BCR: variants seen among roughly 807,000 people sequenced by gnomAD.
BCR encodes breakpoint cluster region protein.
BCR carries 58 observed loss-of-function variants against 138.6 expected under a neutral mutation model. That is an observed-to-expected ratio of 0.42 (90% CI 0.34 to 0.52). The LOEUF (loss-of-function observed/expected upper bound fraction) is 0.52, where lower values mean the gene tolerates loss of function less well. Among genes scored for constraint, BCR ranks in the 20% least tolerant of loss-of-function variants. BCR has a pLI of 0.06. For missense variants in BCR, 1,599 were observed against 1,727.2 expected (o/e 0.93, Z 1.32); for synonymous variants, 786 against 730.1 (o/e 1.08, Z -1.23).
At chr22:23,195,653 G>A (rs1221134291) in intron 1 of BCR, among the ~76,000 whole-genome samples, 4 of 152,148 alleles carry the variant, frequency 2.6e-5, no homozygotes, top group East Asian at 3.9e-4. Context: ...TTGGGAGGCC[G>A]AGGTGGGTGG....
chr22:23,287,208 C>G lies in BCR; in HGVS notation c.2456C>G (p.Ser819Trp), dbSNP rs777604460. The G allele has an allele frequency of 1.3e-6, 2 of 1,568,002 alleles. No homozygotes were observed. The highest frequency in any genetic ancestry group is 1.4e-5 in the African/African-American group (1 of 73,908). ...KATERLKKKL[S>W]EQESLLLLMS... is the part of the protein sequence containing the mutation. ...ACGGAGAGGCTGAAGAAGAAGCTGT[C>G]GGAGCAGGAGTCACTGCTGCTGCTT... is the stretch of plus-strand genomic sequence containing the variant. Residue 819 changes from serine (S) to tryptophan (W), a missense_variant, in exon 11 of 23, where the codon TCG becomes TGG. This residue lies in a region of BCR where 590 missense variants were observed against 762.4 expected (regional missense o/e 0.77). Transcript: ENST00000305877.
At position 23,288,216 on chromosome 22, in the gene BCR, A is replaced by C. The variant is rs549134373; in HGVS notation, c.2602+44A>C. On this transcript the variant is annotated intron_variant, in intron 12 of 22. Coordinates refer to ENST00000305877, the MANE Select transcript of BCR (RefSeq NM_004327.4). ...GAGAGGGGCTGGGCTTCAAACCATT[A>C]GGGCCAGGCTGGCAGCTCCTGTGGT... 4 of 1,572,670 alleles carry C rather than the reference A, an allele frequency of 2.5e-6. No homozygotes were observed. The South Asian group carries it at 4.4e-5, about 17-fold the overall frequency.
intron 8 of BCR, among the ~76,000 whole-genome samples, chr22:23,282,312 C>G (rs1041266221): frequency 6.6e-6 from 1 of 152,244 alleles, no homozygotes; most frequent in Non-Finnish European, 1.5e-5. Context: ...ACCAGGCAGC[C>G]GTCTGCCCTC....
chr22:23,199,819 G>A (rs1023763505), intron 1 of BCR, among the ~76,000 whole-genome samples: 22 of 152,252 alleles, frequency 1.4e-4, no homozygotes, highest in East Asian at 3.9e-4. Flanking sequence ...GGCCAGGCGC[G>A]ATGGCTCACG....
chr22:23,276,422 A>T lies in BCR; in HGVS notation c.2115+2648A>T, dbSNP rs867494477. On this transcript the variant is annotated intron_variant, in intron 8 of 22. Transcript: ENST00000305877. ...TCAAAAAAAAGAAAAAAAAAAAAAA[A>T]GGGCTGGTTGCTTCACAAAGGCAGG... Among the ~76,000 whole-genome samples the T allele has an allele frequency of 1.9e-4, 27 of 140,718 alleles. No individual in the cohort carries two copies. The South Asian group carries it at 3.8e-3, about 20-fold the overall frequency. 92.3% of individuals were successfully genotyped at this position (140,718 alleles called of 152,430 possible). A position where few individuals can be genotyped will look rare whatever the true frequency, so the allele number is the denominator to read the frequency against.
At chr22:23,205,335 A>G (rs940418443) in intron 1 of BCR, among the ~76,000 whole-genome samples, 1 of 152,190 alleles carries the variant, frequency 6.6e-6, no homozygotes, top group Non-Finnish European at 1.5e-5. Context: ...AGAATATTGC[A>G]TTTGGTGGGC....
chr22:23,261,332 A>G, intron 3 of BCR, 23 bp from the exon 4 acceptor site: 4 of 1,604,342 alleles, frequency 2.5e-6, no homozygotes, highest in Non-Finnish European at 3.4e-6. Context: ...CACCTGTGCT[A>G]CCTCACTTGT....
intron 1 of BCR, among the ~76,000 whole-genome samples, chr22:23,182,550 C>T (rs1286028897): frequency 6.6e-6 from 1 of 152,210 alleles, no homozygotes; most frequent in Non-Finnish European, 1.5e-5. Context: ...GAAGATGCTT[C>T]AGGCAGTAAC....
At chr22:23,185,559 G>C (rs1414831054) in intron 1 of BCR, among the ~76,000 whole-genome samples, 1 of 151,634 alleles carries the variant, frequency 6.6e-6, no homozygotes, top group Admixed American at 6.6e-5. Context: ...CAGCTACTCG[G>C]GAGGCTGAGG....
At chr22:23,296,540 G>A (rs1223435961) in intron 16 of BCR, among the ~76,000 whole-genome samples, 1 of 152,118 alleles carries the variant, frequency 6.6e-6, no homozygotes, top group Non-Finnish European at 1.5e-5. Context: ...CCCTGGCCTG[G>A]CTGGCCACAT....
rs2073350985 is a variant in BCR, at chr22:23,261,063, G to A, written c.1566+9G>A. On this transcript the variant is annotated intron_variant, in intron 3 of 22. Transcript: ENST00000305877. The stretch of plus-strand genomic sequence containing the variant: ...TGGAGGCACTGCTGCTGGTGAGGAG[G>A]ATTTAGGGAGCTGAGCAGGGCGGGA... The A allele has an allele frequency of 1.9e-6, 3 of 1,611,920 alleles. No homozygotes were observed. Among genetic ancestry groups the A allele is most frequent in the African/African-American group, 1.3e-5 (1 of 74,858 alleles).
chr22:23,256,693 G>T (rs1321421472), intron 2 of BCR, among the ~76,000 whole-genome samples: 1 of 152,264 alleles, frequency 6.6e-6, no homozygotes, highest in East Asian at 1.9e-4. Context: ...CAGATTAGGG[G>T]GACTAGGAGG....
chr22:23,301,079 G>A (rs1235150344), intron 16 of BCR, among the ~76,000 whole-genome samples: 10 of 152,338 alleles, frequency 6.6e-5, no homozygotes, highest in Admixed American at 2.6e-4. Context: ...TGAGGAGGGC[G>A]GATCATTTGA....
At chr22:23,191,025 C>A (rs1023154927) in intron 1 of BCR, among the ~76,000 whole-genome samples, 1 of 152,008 alleles carries the variant, frequency 6.6e-6, no homozygotes, top group Admixed American at 6.6e-5. Flanking sequence ...CACAAACTCT[C>A]GGGCTCAAGC....
At chr22:23,293,065 G>A (rs933171493) in intron 15 of BCR, among the ~76,000 whole-genome samples, 7 of 152,080 alleles carry the variant, frequency 4.6e-5, no homozygotes, top group African/African-American at 7.2e-5. Flanking sequence ...TGCTTGTCTC[G>A]GGGTGTTGGG....
intron 2 of BCR, among the ~76,000 whole-genome samples, chr22:23,259,331 T>G (rs934757219): frequency 2.0e-5 from 3 of 152,118 alleles, no homozygotes; most frequent in Non-Finnish European, 1.5e-5. Flanking sequence ...CACATAATGT[T>G]CCCTCCATTT....
chr22:23,309,261 C>T (rs537768812), intron 16 of BCR, among the ~76,000 whole-genome samples, 163 bp from the exon 17 acceptor site: 2 of 152,302 alleles, frequency 1.3e-5, no homozygotes, highest in South Asian at 4.2e-4. Context: ...GTCTGGCAGG[C>T]CCCTCCTTAC....
intron 1 of BCR, among the ~76,000 whole-genome samples, chr22:23,191,671 C>T (rs549220084): frequency 2.6e-5 from 4 of 152,240 alleles, no homozygotes; most frequent in African/African-American, 7.2e-5. Context: ...GACGATGCAC[C>T]TGAGCCCATG....
intron 1 of BCR, among the ~76,000 whole-genome samples, chr22:23,193,788 C>A (rs745719959): frequency 2.6e-5 from 4 of 152,184 alleles, no homozygotes; most frequent in African/African-American, 9.7e-5. Flanking sequence ...TCACAGGGGT[C>A]CCTGTGGAGG....
Sources: gnomAD v4.1 joint callset for allele counts (sites outside exome capture counted in the v4.1 genomes callset) on GRCh38, gnomAD v4.1.1 for gene constraint, gnomAD v4.1.1 regional missense constraint, MANE v1.5 for transcripts, NCBI Gene and HGNC (gene_info 2026-07-23, HGNC 2026-07-21) for gene names.